TTC12: variants seen among roughly 807,000 people sequenced by gnomAD.
TTC12 encodes the protein tetratricopeptide repeat domain 12.
TTC12 carries 70 observed loss-of-function variants against 90.1 expected under a neutral mutation model. The observed-to-expected ratio is 0.78, with a 90% CI of 0.64 to 0.95. The LOEUF (loss-of-function observed/expected upper bound fraction) is 0.95. TTC12 is among the 40% of genes least tolerant of loss of function. TTC12 has a pLI of 0.00. For missense variants in TTC12, 819 were observed against 846.1 expected, an observed-to-expected ratio of 0.97 and a Z score of 0.40; for synonymous variants, 296 against 311.5, an observed-to-expected ratio of 0.95 and a Z score of 0.53.
chr11:113,328,173 T>G (rs912023698), intron 6 of TTC12, among the ~76,000 whole-genome samples: 1 of 152,238 alleles, frequency 6.6e-6, no homozygotes, highest in African/African-American at 2.4e-5. Context: ...CCACCACTCC[T>G]GGTGCTTGGC....
At chr11:113,343,251 G>C (rs1260727743) in intron 12 of TTC12, among the ~76,000 whole-genome samples, 1 of 152,146 alleles carries the variant, frequency 6.6e-6, no homozygotes, top group Non-Finnish European at 1.5e-5. Context: ...TGGGGAATGG[G>C]CTTACCCGGA....
chr11:113,350,013 C>G lies in TTC12; in HGVS notation c.1155-60C>G. 4 of 1,351,634 alleles carry G rather than the reference C, an allele frequency of 3.0e-6. No homozygotes were observed. In the South Asian group the frequency reaches 3.5e-5, roughly 12 times the overall value. The allele number at this position is 1,351,634 out of a possible 1,614,324, so 83.7% of individuals were successfully genotyped here. A position where few individuals can be genotyped will look rare whatever the true frequency, so the allele number is the denominator to read the frequency against. ...TTTTTGGTTTCCTTGCAAGGTTACC[C>G]TGTTGGGATGTTGTTAGTTGGAGGA... On this transcript the variant is annotated intron_variant, in intron 13 of 21. Coordinates refer to ENST00000529221, the MANE Select transcript of TTC12 (RefSeq NM_017868.4).
chr11:113,352,134 T>A lies in TTC12; in HGVS notation c.1373T>A (p.Leu458His). ...LCQCIAIMGN[L>H]SAEPTTRRHM... ...CAGTGCATTGCCATCATGGGAAACC[T>A]CAGTGCTGAGCCCACTACCCGAAGA... The change falls in exon 16 of 22, where the codon CTC becomes CAC. Residue 458 changes from leucine to histidine, a missense_variant. Leu to His is a moderately conservative substitution (Grantham distance 99). Transcript: ENST00000529221. 6.2e-7 allele frequency: 1 copy of A among 1,614,220 alleles called. No homozygotes were observed. The highest frequency in any genetic ancestry group is 1.1e-5 in the South Asian group (1 of 91,084).
intron 15 of TTC12, among the ~76,000 whole-genome samples, chr11:113,351,571 C>T (rs1949295966): frequency 6.6e-6 from 1 of 152,218 alleles, no homozygotes; most frequent in Admixed American, 6.5e-5. Context: ...CAGTCTCCAT[C>T]AGTCCCCTGC....
chr11:113,346,124 A>G (rs782578898), intron 13 of TTC12, among the ~76,000 whole-genome samples: 3 of 152,144 alleles, frequency 2.0e-5, no homozygotes, highest in Non-Finnish European at 4.4e-5. Context: ...CACAATGTTT[A>G]TCCTCAGAGA....
chr11:113,351,118 G>C (rs1949263742), intron 14 of TTC12, 121 bp from the exon 15 acceptor site: 1 of 851,758 alleles, frequency 1.2e-6, no homozygotes, highest in East Asian at 2.6e-5. Context: ...GTTCTGAATT[G>C]TCCATGCACA....
intron 11 of TTC12, 88 bp downstream of exon 11, chr11:113,340,821 C>A: frequency 1.7e-6 from 2 of 1,165,330 alleles, no homozygotes; most frequent in South Asian, 1.3e-5. Context: ...CATAGACAGT[C>A]ACGTTTCTGA....
In TTC12 at chr11:113,365,309, G is replaced by A. The variant is rs551814503; in HGVS notation, c.2042+249G>A. 1.6e-4 allele frequency among the ~76,000 whole-genome samples: 24 copies of A among 152,244 alleles called. 2 individuals are homozygous for A. The South Asian group carries it at 5.0e-3, about 32-fold the overall frequency. On this transcript the variant is annotated intron_variant, in intron 21 of 21. Coordinates refer to ENST00000529221, the MANE Select transcript of TTC12 (RefSeq NM_017868.4). ...TGACAGGGACGTGCTGCTCCCACTTGCTGCCGTTGCCTTCTCTCCATTCCA... is the reference window on the plus strand; with the variant it reads ...TGACAGGGACGTGCTGCTCCCACTTACTGCCGTTGCCTTCTCTCCATTCCA...
chr11:113,349,985 C>T, intron 13 of TTC12, 88 bp from the exon 14 acceptor site: 1 of 1,043,854 alleles, frequency 9.6e-7, no homozygotes. Flanking sequence ...GATGCTGACT[C>T]CTTTTTTGGT....
intron 8 of TTC12, among the ~76,000 whole-genome samples, chr11:113,336,166 A>G (rs1390306462): frequency 6.6e-6 from 1 of 152,048 alleles, no homozygotes; most frequent in African/African-American, 2.4e-5. Context: ...TTTTTTGGTG[A>G]CTAATGATGT....
At chr11:113,356,426 A>G (rs1555152479) in intron 16 of TTC12, among the ~76,000 whole-genome samples, 1 of 152,174 alleles carries the variant, frequency 6.6e-6, no homozygotes, top group Non-Finnish European at 1.5e-5. Flanking sequence ...ATTTGGCTCA[A>G]TTTGGCTCAT....
At chr11:113,341,199 C>A (rs903355195) in intron 11 of TTC12, among the ~76,000 whole-genome samples, 1 of 152,186 alleles carries the variant, frequency 6.6e-6, no homozygotes, top group Non-Finnish European at 1.5e-5. Flanking sequence ...CACTGTACTC[C>A]AGCCTAGGCG....
intron 5 of TTC12, among the ~76,000 whole-genome samples, chr11:113,325,119 A>G (rs1160940694): frequency 6.6e-6 from 1 of 152,192 alleles, no homozygotes; most frequent in Admixed American, 6.5e-5. Context: ...GATACATATG[A>G]TAGAAGAATG....
chr11:113,316,377 G>T, intron 2 of TTC12, 62 bp downstream of exon 2: 1 of 820,680 alleles, frequency 1.2e-6, no homozygotes, highest in Non-Finnish European at 1.8e-6. Flanking sequence ...ATAAATGATT[G>T]CTCTAAGTTC....
At chr11:113,364,581 C>T (rs531988253) in intron 20 of TTC12, 31 of 499,692 alleles carry the variant, frequency 6.2e-5, no homozygotes, top group South Asian at 6.2e-4. Context: ...ACACAGCATT[C>T]ATTCATCTAA....
chr11:113,369,782 A>T (rs1191463288), downstream of TTC12, among the ~76,000 whole-genome samples: 1 of 152,176 alleles, frequency 6.6e-6, no homozygotes, highest in Non-Finnish European at 1.5e-5. Context: ...ATATACATGA[A>T]GTACCTAGCA....
rs1361407022 is a variant in TTC12 at position 113,336,120 on chromosome 11, G to A, written c.576+1083G>A. Among the ~76,000 whole-genome samples the A allele has an allele frequency of 2.0e-5, 3 of 152,256 alleles. No individual in the cohort carries two copies. In the East Asian group the frequency reaches 5.8e-4, roughly 29 times the overall value. On this transcript the variant is annotated intron_variant, in intron 8 of 21. Coordinates refer to ENST00000529221, the MANE Select transcript of TTC12 (RefSeq NM_017868.4). ...TTTTATTATAGCTATTCTAGTGGGT[G>A]TGAAGTGATATGTCATTGTGGTATT...
chr11:113,327,601 G>A (rs1212056179), intron 6 of TTC12, among the ~76,000 whole-genome samples: 1 of 151,970 alleles, frequency 6.6e-6, no homozygotes, highest in African/African-American at 2.4e-5. Flanking sequence ...AAGAGATTGA[G>A]GAAGTTATAG....
At chr11:113,368,777 C>A (rs892080350), downstream of TTC12, 1 of 499,398 alleles carries the variant, frequency 2.0e-6, no homozygotes, top group East Asian at 3.1e-5. Flanking sequence ...GCTTGGAGAA[C>A]TGAGGGGAAG....
Sources: gnomAD v4.1 joint callset for allele counts (sites outside exome capture counted in the v4.1 genomes callset) on GRCh38, gnomAD v4.1.1 for gene constraint, MANE v1.5 for transcripts, NCBI Gene and HGNC (gene_info 2026-07-23, HGNC 2026-07-21) for gene names.